FOXN2: variants seen among roughly 807,000 people sequenced by gnomAD.
The protein encoded by FOXN2 is forkhead box protein N2.
Under a neutral mutation model 41.2 loss-of-function variants are expected in FOXN2, and 19 were observed. The ratio of observed to expected loss-of-function variants is 0.46; its 90% CI spans 0.32 to 0.68. FOXN2 has a LOEUF of 0.68. Among genes scored for constraint, FOXN2 ranks in the 30% least tolerant of loss-of-function variants. The pLI, the probability that FOXN2 is intolerant of heterozygous loss-of-function variation, is 0.03. For missense variants in FOXN2, 587 were observed against 509.4 expected, an observed-to-expected ratio of 1.15 and a Z score of -1.47; for synonymous variants, 195 against 176.8, an observed-to-expected ratio of 1.10 and a Z score of -0.82.
chr2:48,348,502 G>A (rs777038629), intron 3 of FOXN2, among the ~76,000 whole-genome samples: 1 of 152,132 alleles, frequency 6.6e-6, no homozygotes, highest in Non-Finnish European at 1.5e-5. Context: ...TTTGCTGACT[G>A]TTTTAATCTC....
intron 1 of FOXN2, among the ~76,000 whole-genome samples, chr2:48,325,398 T>C (rs903729981): frequency 6.6e-6 from 1 of 152,156 alleles, no homozygotes; most frequent in African/African-American, 2.4e-5. Flanking sequence ...GTACTAGCTC[T>C]TTCATTTTAT....
intron 2 of FOXN2, among the ~76,000 whole-genome samples, chr2:48,338,669 G>C (rs1205640374): frequency 6.6e-6 from 1 of 152,136 alleles, no homozygotes; most frequent in Non-Finnish European, 1.5e-5. Flanking sequence ...AAAGTGCTGA[G>C]ATTACAGGCA....
At chr2:48,374,768 A>G (rs572224972) in intron 6 of FOXN2, 152 bp from the exon 7 acceptor site, 4 of 628,016 alleles carry the variant, frequency 6.4e-6, no homozygotes, top group East Asian at 2.8e-5. Flanking sequence ...TGCTTGCAAA[A>G]TGATGTGATC....
chr2:48,325,242 T>G (rs1669583752), intron 1 of FOXN2, among the ~76,000 whole-genome samples: 1 of 152,186 alleles, frequency 6.6e-6, no homozygotes, highest in African/African-American at 2.4e-5. Context: ...TCTCTATGTG[T>G]GTTTCTGCAT....
At chr2:48,322,179 C>G (rs887255948) in intron 1 of FOXN2, among the ~76,000 whole-genome samples, 1 of 152,156 alleles carries the variant, frequency 6.6e-6, no homozygotes, top group African/African-American at 2.4e-5. Context: ...AACTCCTGAC[C>G]TCAGGTGATC....
intron 2 of FOXN2, among the ~76,000 whole-genome samples, chr2:48,333,681 A>G (rs1670162857): frequency 6.6e-6 from 1 of 152,202 alleles, no homozygotes; most frequent in Non-Finnish European, 1.5e-5. Flanking sequence ...AATAAATCTA[A>G]AAGTCCATTT....
At chr2:48,345,581 A>C (rs28485447) in intron 2 of FOXN2, among the ~76,000 whole-genome samples, 1 of 152,264 alleles carries the variant, frequency 6.6e-6, no homozygotes, top group East Asian at 1.9e-4. Flanking sequence ...TACATGTATC[A>C]TAATATCACA....
intron 5 of FOXN2, among the ~76,000 whole-genome samples, chr2:48,372,617 A>G (rs564521322): frequency 6.6e-6 from 1 of 152,292 alleles, no homozygotes; most frequent in Non-Finnish European, 1.5e-5. Context: ...GTATGAGAGC[A>G]TAACTTTATC....
chr2:48,346,852 G>A (rs1671138580), intron 3 of FOXN2, 101 bp downstream of exon 3: 3 of 941,752 alleles, frequency 3.2e-6, no homozygotes, highest in Admixed American at 2.8e-5. Flanking sequence ...AAGTAGTCAA[G>A]TCAAATTACT....
At chr2:48,333,280 T>G (rs1339039074) in intron 2 of FOXN2, among the ~76,000 whole-genome samples, 2 of 152,122 alleles carry the variant, frequency 1.3e-5, no homozygotes, top group Non-Finnish European at 2.9e-5. Flanking sequence ...TTCTCTACCT[T>G]TTATCTACAT....
At chr2:48,344,283 C>A (rs1345506915) in intron 2 of FOXN2, among the ~76,000 whole-genome samples, 1 of 152,034 alleles carries the variant, frequency 6.6e-6, no homozygotes, top group African/African-American at 2.4e-5. Context: ...TGATCTTTTC[C>A]TTTTTACAGT....
chr2:48,362,696 G>A lies in FOXN2; in HGVS notation c.692G>A (p.Arg231Gln), dbSNP rs760169370. 4.7e-5 allele frequency: 76 copies of A among 1,613,404 alleles called. No homozygotes were observed. Among genetic ancestry groups the A allele is most frequent in the Non-Finnish European group, 5.6e-5 (66 of 1,179,574 alleles). Residue 231 changes from arginine (R) to glutamine (Q), a missense_variant, in exon 5 of 7, where the codon CGA becomes CAA. By Grantham distance (43) the Arg-to-Gln change is conservative (BLOSUM62 1). Transcript: ENST00000340553. ...LSSVIKQNQV[R>Q]NLKESDIDAA... is the part of the protein sequence containing the mutation. ...TCTGTAATCAAGCAGAACCAGGTGCGAAACCTCAAAGGTATGTGTGAATAT... is the reference window on the plus strand; with the variant it reads ...TCTGTAATCAAGCAGAACCAGGTGCAAAACCTCAAAGGTATGTGTGAATAT...
intron 3 of FOXN2, among the ~76,000 whole-genome samples, chr2:48,358,707 A>T (rs548081823): frequency 6.6e-6 from 1 of 152,322 alleles, no homozygotes; most frequent in South Asian, 2.1e-4. Flanking sequence ...TGAGAATGGG[A>T]AACAAGTAAA....
intron 2 of FOXN2, among the ~76,000 whole-genome samples, chr2:48,329,568 A>C (rs1444607111): frequency 6.6e-6 from 1 of 152,176 alleles, no homozygotes; most frequent in Non-Finnish European, 1.5e-5. Context: ...ACAATGGATC[A>C]CATGCTGTGT....
chr2:48,362,473 G>T (rs955606099), intron 4 of FOXN2, among the ~76,000 whole-genome samples, 170 bp from the exon 5 acceptor site: 2 of 152,160 alleles, frequency 1.3e-5, no homozygotes, highest in African/African-American at 4.8e-5. Flanking sequence ...GGCAGCTAAG[G>T]TGGGAGGATC....
chr2:48,330,504 A>C (rs1437418819), intron 2 of FOXN2, among the ~76,000 whole-genome samples: 3 of 151,962 alleles, frequency 2.0e-5, no homozygotes, highest in Admixed American at 2.0e-4. Context: ...GTGAATGACT[A>C]CCTCTTTCTC....
At chr2:48,357,221 C>A (rs550443808) in intron 3 of FOXN2, among the ~76,000 whole-genome samples, 71 of 152,252 alleles carry the variant, frequency 4.7e-4, no homozygotes, top group African/African-American at 1.7e-3. Context: ...TGAAACTGCA[C>A]GTTTTCAATA....
Position 48,375,240 on chromosome 2 carries a change from A to G in FOXN2, c.1093A>G (p.Ser365Gly), listed in dbSNP as rs757015606. ...VDYEDDPLGD[S>G]GYASQPCAKI... ...TTATGAAGATGATCCTCTTGGAGAC[A>G]GTGGCTATGCATCACAGCCTTGTGC... Residue 365 changes from serine to glycine, a missense_variant, in exon 7 of 7, where the codon AGT becomes GGT. Transcript: ENST00000340553. 5 of 1,614,012 alleles carry G rather than the reference A, an allele frequency of 3.1e-6. No individual in the cohort carries two copies. In the African/African-American group the frequency reaches 6.7e-5, roughly 22 times the overall value.
chr2:48,358,473 G>A (rs1471332718), intron 3 of FOXN2, among the ~76,000 whole-genome samples: 1 of 151,860 alleles, frequency 6.6e-6, no homozygotes, highest in African/African-American at 2.4e-5. Context: ...GTAGTGATCG[G>A]GACCTTGGTT....
Sources: gnomAD v4.1 joint callset for allele counts (sites outside exome capture counted in the v4.1 genomes callset) on GRCh38, gnomAD v4.1.1 for gene constraint, MANE v1.5 for transcripts, NCBI Gene and HGNC (gene_info 2026-07-23, HGNC 2026-07-21) for gene names.